ASPRV1: variants seen among roughly 807,000 people sequenced by gnomAD.
ASPRV1 encodes aspartic peptidase retroviral like 1, also known as retroviral-like aspartic protease 1.
A neutral mutation model predicts 11.0 loss-of-function variants in ASPRV1; 7 were observed. The observed-to-expected ratio is 0.64, with a 90% CI of 0.36 to 1.20. The LOEUF (loss-of-function observed/expected upper bound fraction) is 1.20. ASPRV1 is among the 50% of genes most tolerant of loss of function. The pLI is 0.02. For synonymous variants in ASPRV1, 136 were observed against 138.4 expected (o/e 0.98, Z 0.12); for missense variants, 299 against 320.0 (o/e 0.93, Z 0.50).
At chr2:70,047,714 T>A in the ASPRV1 span, among the ~76,000 whole-genome samples, 1 of 152,044 alleles carries the variant, frequency 6.6e-6, no homozygotes, top group Non-Finnish European at 1.5e-5. Flanking sequence ...AGAGATCAGG[T>A]GAGATGGTCA....
chr2:70,033,312 C>T, the ASPRV1 span, among the ~76,000 whole-genome samples: 1 of 151,532 alleles, frequency 6.6e-6, no homozygotes, highest in Non-Finnish European at 1.5e-5. Context: ...CACACACACA[C>T]ACATATATGC....
At chr2:69,964,298 C>T (rs559928595), upstream of ASPRV1, 4 of 449,044 alleles carry the variant, frequency 8.9e-6, no homozygotes, top group East Asian at 1.4e-4. Flanking sequence ...GATGGCCCTT[C>T]GGGCTGTGTC....
At chr2:70,002,137 T>C in the ASPRV1 span, among the ~76,000 whole-genome samples, 19 of 152,202 alleles carry the variant, frequency 1.2e-4, no homozygotes, top group Non-Finnish European at 2.5e-4. Context: ...AACATGGCAG[T>C]GTGCACTGGC....
chr2:70,047,453 T>C, the ASPRV1 span, among the ~76,000 whole-genome samples: 25 of 152,312 alleles, frequency 1.6e-4, no homozygotes, highest in South Asian at 1.7e-3. Context: ...AAACTGCCCG[T>C]TCTCTGTTCA....
chr2:70,016,469 G>A, the ASPRV1 span: 3 of 137,632 alleles, frequency 2.2e-5, no homozygotes, highest in African/African-American at 9.7e-5. Flanking sequence ...GAGCCCAGGA[G>A]TTTAAGGCCT....
chr2:70,007,319 A>T, the ASPRV1 span, among the ~76,000 whole-genome samples: 2 of 152,090 alleles, frequency 1.3e-5, no homozygotes, highest in Non-Finnish European at 2.9e-5. Flanking sequence ...GGAGTCCTAG[A>T]CCAGCCTAAC....
the ASPRV1 span, among the ~76,000 whole-genome samples, chr2:69,990,571 G>C: frequency 6.6e-6 from 1 of 151,994 alleles, no homozygotes; most frequent in Non-Finnish European, 1.5e-5. Context: ...TCGACATCTA[G>C]GGCTCATGTG....
the ASPRV1 span, among the ~76,000 whole-genome samples, chr2:69,981,965 G>A: frequency 6.6e-6 from 1 of 152,122 alleles, no homozygotes; most frequent in Non-Finnish European, 1.5e-5. Context: ...ATGATGGAAG[G>A]GGCCCTGAGG....
the ASPRV1 span, among the ~76,000 whole-genome samples, chr2:70,004,655 C>T: frequency 5.3e-5 from 8 of 151,250 alleles, no homozygotes; most frequent in South Asian, 6.2e-4. Flanking sequence ...CATTAAGAAA[C>T]ATTCATTTTC....
At chr2:70,025,096 A>G in the ASPRV1 span, among the ~76,000 whole-genome samples, 1 of 152,206 alleles carries the variant, frequency 6.6e-6, no homozygotes, top group East Asian at 1.9e-4. Context: ...TAAATTTGTT[A>G]TTATTTTCAT....
the ASPRV1 span, chr2:69,937,403 C>T: frequency 6.3e-7 from 1 of 1,593,904 alleles, no homozygotes; most frequent in Non-Finnish European, 8.6e-7. Context: ...GGGTGAGCCT[C>T]TCTCACTCTC....
At chr2:70,040,760 G>T in the ASPRV1 span, among the ~76,000 whole-genome samples, 1 of 149,580 alleles carries the variant, frequency 6.7e-6, no homozygotes, top group Non-Finnish European at 1.5e-5. Context: ...CTTGAACCCG[G>T]GAGGCAGAGG....
At chr2:70,069,667 A>C in the ASPRV1 span, among the ~76,000 whole-genome samples, 1 of 152,132 alleles carries the variant, frequency 6.6e-6, no homozygotes, top group African/African-American at 2.4e-5. Context: ...TCTCCCCACA[A>C]AGGCTTGGCA....
At chr2:69,965,044 C>T (rs1488898642), upstream of ASPRV1, among the ~76,000 whole-genome samples, 1 of 152,068 alleles carries the variant, frequency 6.6e-6, no homozygotes, top group Non-Finnish European at 1.5e-5. Flanking sequence ...ACTCCAAACA[C>T]TTTATTATTT....
At chr2:69,980,230 T>C in the ASPRV1 span, among the ~76,000 whole-genome samples, 1 of 152,040 alleles carries the variant, frequency 6.6e-6, no homozygotes, top group Non-Finnish European at 1.5e-5. Flanking sequence ...AAGCTAAAGA[T>C]CTAAACACTG....
At chr2:69,984,552 T>C in the ASPRV1 span, among the ~76,000 whole-genome samples, 1 of 147,890 alleles carries the variant, frequency 6.8e-6, no homozygotes, top group Admixed American at 6.9e-5. Flanking sequence ...GACATAGAGA[T>C]AGAGACCATG....
At chr2:69,954,261 A>C in the ASPRV1 span, among the ~76,000 whole-genome samples, 9,922 of 152,238 alleles carry the variant, frequency 0.065, 1,022 homozygotes, top group African/African-American at 0.22. Flanking sequence ...CAATCATGGC[A>C]TCTTGCTGGC....
the ASPRV1 span, among the ~76,000 whole-genome samples, chr2:69,947,191 A>G: frequency 6.6e-6 from 1 of 152,230 alleles, no homozygotes; most frequent in African/African-American, 2.4e-5. Flanking sequence ...CTACCAGTCA[A>G]TGCAGACTAG....
At chr2:69,951,063 G>A in the ASPRV1 span, among the ~76,000 whole-genome samples, 1 of 151,904 alleles carries the variant, frequency 6.6e-6, no homozygotes, top group Admixed American at 6.6e-5. Flanking sequence ...GAAAGGTCTG[G>A]AAAAATACAC....
Sources: gnomAD v4.1 joint callset for allele counts (sites outside exome capture counted in the v4.1 genomes callset) on GRCh38, gnomAD v4.1.1 for gene constraint, MANE v1.5 for transcripts, NCBI Gene and HGNC (gene_info 2026-07-23, HGNC 2026-07-21) for gene names.